The following KCNB2 variants were observed in gnomAD, a reference collection of about 807,000 sequenced individuals.
KCNB2 encodes delayed rectifier potassium channel protein.
Under a neutral mutation model 61.5 loss-of-function variants are expected in KCNB2, and 15 were observed. That is an observed-to-expected ratio of 0.24 (90% CI 0.16 to 0.38). The LOEUF is 0.38. Among genes scored for constraint, KCNB2 ranks in the 10% least tolerant of loss-of-function variants. The pLI is 1.00. For synonymous variants in KCNB2, 457 were observed against 446.0 expected (o/e 1.02, Z -0.31); for missense variants, 828 against 1,125.2 (o/e 0.74, Z 3.78).
At chr8:72,588,120 C>T (rs1807028890) in intron 2 of KCNB2, among the ~76,000 whole-genome samples, 1 of 152,046 alleles carries the variant, frequency 6.6e-6, no homozygotes, top group South Asian at 2.1e-4. Context: ...TTCTGTCTTC[C>T]TCATAAATTT....
intron 2 of KCNB2, among the ~76,000 whole-genome samples, chr8:72,631,935 C>T (rs1805888229): frequency 6.6e-6 from 1 of 152,046 alleles, no homozygotes; most frequent in Non-Finnish European, 1.5e-5. Context: ...AGAGTTTTTA[C>T]ATTTTTAAAG....
chr8:72,562,340 G>C (rs1003474894), intron 1 of KCNB2, among the ~76,000 whole-genome samples: 7 of 152,138 alleles, frequency 4.6e-5, no homozygotes, highest in South Asian at 4.2e-4. Context: ...AGAAAGTTGT[G>C]TTTTGTCAGT....
chr8:72,629,609 C>T (rs1176863263), intron 2 of KCNB2, among the ~76,000 whole-genome samples: 1 of 152,104 alleles, frequency 6.6e-6, no homozygotes, highest in Non-Finnish European at 1.5e-5. Context: ...AGTTTGGAGC[C>T]AGGGAAGGAA....
rs547300799 is a variant in KCNB2 at position 72,836,538 on chromosome 8, AC to A, written c.580-99393del. On this transcript the variant is annotated intron_variant, in intron 2 of 2. Transcript: ENST00000523207. ...TAATGTGTTCCTTTAACAAATGGCTACCCCATGCCAAAGAGTAGAAGGTTGC... is the reference window on the plus strand; with the variant it reads ...TAATGTGTTCCTTTAACAAATGGCTACCCATGCCAAAGAGTAGAAGGTTGC... Among the ~76,000 whole-genome samples the A allele has an allele frequency of 2.9e-3, 440 of 152,278 alleles. 4 individuals are homozygous for A. Among genetic ancestry groups the A allele is most frequent in the African/African-American group, 0.01 (417 of 41,574 alleles).
At chr8:72,873,167 TCA>T (rs1386022103) in intron 2 of KCNB2, among the ~76,000 whole-genome samples, 13 of 152,206 alleles carry the variant, frequency 8.5e-5, no homozygotes, top group African/African-American at 3.1e-4. Flanking sequence ...TTCAAATCCC[TCA>T]TTCATTAAAA....
intron 2 of KCNB2, among the ~76,000 whole-genome samples, chr8:72,823,440 C>T (rs963174235): frequency 2.0e-5 from 3 of 152,102 alleles, no homozygotes; most frequent in Admixed American, 6.5e-5. Context: ...ACCCTGGACC[C>T]AGCCAAGGGT....
At chr8:72,874,426 T>C (rs2129004984) in intron 2 of KCNB2, among the ~76,000 whole-genome samples, 1 of 152,264 alleles carries the variant, frequency 6.6e-6, no homozygotes, top group Non-Finnish European at 1.5e-5. Context: ...CTGCAGCATC[T>C]GGACAGTCAG....
At chr8:72,855,905 C>A (rs937687115) in intron 2 of KCNB2, among the ~76,000 whole-genome samples, 1 of 152,172 alleles carries the variant, frequency 6.6e-6, no homozygotes, top group Non-Finnish European at 1.5e-5. Context: ...CCTATGCACA[C>A]CCTCCCATAT....
intron 2 of KCNB2, among the ~76,000 whole-genome samples, chr8:72,804,689 G>A (rs1020320980): frequency 9.9e-5 from 15 of 152,120 alleles, no homozygotes; most frequent in African/African-American, 3.4e-4. Flanking sequence ...TTAATAAAAT[G>A]AAAAGAATGG....
chr8:72,766,349 C>A (rs2165293), intron 2 of KCNB2, among the ~76,000 whole-genome samples: 17,507 of 152,154 alleles, frequency 0.12, 1,481 homozygotes, highest in East Asian at 0.51. Context: ...CAAACTCTTC[C>A]CAATTTCTTC....
intron 2 of KCNB2, among the ~76,000 whole-genome samples, chr8:72,841,487 G>C (rs1388788718): frequency 6.7e-6 from 1 of 148,294 alleles, no homozygotes; most frequent in Non-Finnish European, 1.5e-5. Flanking sequence ...ATGGTAGCTT[G>C]ATGGGGATAG....
chr8:72,850,758 G>T (rs745665355), intron 2 of KCNB2, among the ~76,000 whole-genome samples: 1 of 152,218 alleles, frequency 6.6e-6, no homozygotes, highest in Middle Eastern at 3.2e-3. Flanking sequence ...GATGCAGAAA[G>T]TTAAGACATG....
At chr8:72,661,510 G>T (rs188532408) in intron 2 of KCNB2, 1 of 152,112 alleles carries the variant, frequency 6.6e-6, no homozygotes, top group Non-Finnish European at 1.5e-5. Flanking sequence ...CTCATTTGAC[G>T]TAGTCATTTA....
At chr8:72,863,296 A>G (rs931369130) in intron 2 of KCNB2, among the ~76,000 whole-genome samples, 5 of 152,224 alleles carry the variant, frequency 3.3e-5, no homozygotes, top group African/African-American at 1.2e-4. Flanking sequence ...GGTTTGCACT[A>G]TTAATTTTAC....
chr8:72,775,073 T>G (rs906881281), intron 2 of KCNB2, among the ~76,000 whole-genome samples: 1 of 152,302 alleles, frequency 6.6e-6, no homozygotes, highest in Non-Finnish European at 1.5e-5. Context: ...AAAGGAATTC[T>G]TGACACAGAC....
chr8:72,827,816 CTTT>C (rs11346090), intron 2 of KCNB2, among the ~76,000 whole-genome samples: 8 of 143,624 alleles, frequency 5.6e-5, no homozygotes, highest in Admixed American at 6.9e-5. Context: ...AAGTTTCTTT[CTTT>C]TTTTTTTTTT....
At chr8:72,696,152 A>G (rs1441610348) in intron 2 of KCNB2, among the ~76,000 whole-genome samples, 1 of 152,002 alleles carries the variant, frequency 6.6e-6, no homozygotes. Context: ...TCCTTCCTCT[A>G]TTTTTACGTC....
chr8:72,540,497 GTTA>G (rs1290300126), intron 1 of KCNB2, among the ~76,000 whole-genome samples: 1 of 151,948 alleles, frequency 6.6e-6, no homozygotes, highest in East Asian at 1.9e-4. Flanking sequence ...CCAGAGTTTT[GTTA>G]TTGTTGTTGT....
intron 2 of KCNB2, among the ~76,000 whole-genome samples, chr8:72,712,673 G>A (rs1481048790): frequency 6.6e-6 from 1 of 152,152 alleles, no homozygotes; most frequent in Non-Finnish European, 1.5e-5. Context: ...GGTGAGTATT[G>A]TTGGCTCTTG....
Sources: gnomAD v4.1 joint callset for allele counts (sites outside exome capture counted in the v4.1 genomes callset) on GRCh38, gnomAD v4.1.1 for gene constraint, MANE v1.5 for transcripts, NCBI Gene and HGNC (gene_info 2026-07-23, HGNC 2026-07-21) for gene names.